The following AHCY variants were observed in gnomAD, a reference collection of about 807,000 sequenced individuals.
AHCY encodes S-adenosyl-L-homocysteine hydrolase.
A neutral mutation model predicts 45.4 loss-of-function variants in AHCY; 24 were observed. The observed-to-expected ratio is 0.53, with a 90% CI of 0.38 to 0.74. The LOEUF (loss-of-function observed/expected upper bound fraction) is 0.74, where lower values mean the gene tolerates loss of function less well. AHCY is among the 30% of genes least tolerant of loss of function. AHCY has a pLI of 0.00. For synonymous variants in AHCY, 245 were observed against 235.1 expected (o/e 1.04, Z -0.39); for missense variants, 449 against 594.1 (o/e 0.76, Z 2.54).
chr20:34,260,366 C>T, the AHCY span: 1 of 1,612,260 alleles, frequency 6.2e-7, no homozygotes, highest in East Asian at 2.2e-5. Context: ...CCCACTCAGG[C>T]CTCCTGGGAT....
intron 1 of AHCY, among the ~76,000 whole-genome samples, chr20:34,297,954 C>A (rs1018331254): frequency 1.3e-5 from 2 of 152,100 alleles, no homozygotes; most frequent in Middle Eastern, 3.2e-3. Flanking sequence ...GCCTGACCAA[C>A]ATGGTGAAAC....
the AHCY span, chr20:34,269,117 C>A: frequency 6.4e-7 from 1 of 1,560,454 alleles, no homozygotes; most frequent in Non-Finnish European, 8.7e-7. Flanking sequence ...CTGCCAGTGC[C>A]GCTTCTTCCG....
At chr20:34,292,816 C>T (rs2036444352) in intron 3 of AHCY, among the ~76,000 whole-genome samples, 1 of 152,190 alleles carries the variant, frequency 6.6e-6, no homozygotes, top group African/African-American at 2.4e-5. Flanking sequence ...CATGTACAGC[C>T]CCCCGCCCCA....
At chr20:34,301,689 C>T in intron 1 of AHCY, 1 of 544,060 alleles carries the variant, frequency 1.8e-6, no homozygotes, top group Non-Finnish European at 2.3e-6. Flanking sequence ...CCAATCCTGA[C>T]CCACTAATCT....
rs750922869 is a variant in AHCY, at chr20:34,294,099, C to T, written c.277G>A (p.Ala93Thr). ...STQDHAAAAI[A>T]KAGIPVYAWK... Reference sequence around the variant, plus strand: ...GACTTACCCGGAATGCCAGCCTTGGCAATGGCAGCCGCCGCATGGTCCTGG... The same window carrying T: ...GACTTACCCGGAATGCCAGCCTTGGTAATGGCAGCCGCCGCATGGTCCTGG... Residue 93 changes from alanine (A) to threonine (T), a missense_variant, in exon 3 of 10, where the codon GCC (alanine) becomes ACC (threonine). Ala to Thr is a moderately conservative substitution (Grantham distance 58, BLOSUM62 0). Coordinates refer to ENST00000217426, the MANE Select transcript of AHCY (RefSeq NM_000687.4). The T allele has an allele frequency of 2.5e-6, 4 of 1,613,728 alleles. No homozygotes were observed. The highest frequency in any genetic ancestry group is 1.7e-5 in the Admixed American group (1 of 60,008).
the AHCY span, chr20:34,246,557 C>A: frequency 1.2e-6 from 1 of 867,416 alleles, no homozygotes; most frequent in Non-Finnish European, 1.9e-6. Flanking sequence ...CCTCTGCCTC[C>A]GGGCTCAAGC....
At chr20:34,288,004 G>A (rs149203673) in intron 8 of AHCY, among the ~76,000 whole-genome samples, 1 of 152,336 alleles carries the variant, frequency 6.6e-6, no homozygotes, top group African/African-American at 2.4e-5. Flanking sequence ...TTTGCAAAAA[G>A]GAGGTCTAGA....
chr20:34,297,647 T>C (rs976266226), intron 1 of AHCY, among the ~76,000 whole-genome samples: 1 of 151,976 alleles, frequency 6.6e-6, no homozygotes, highest in Non-Finnish European at 1.5e-5. Context: ...ATTGCAGCAA[T>C]CCTATGACAT....
chr20:34,252,794 T>C, the AHCY span, among the ~76,000 whole-genome samples: 1 of 152,204 alleles, frequency 6.6e-6, no homozygotes, highest in African/African-American at 2.4e-5. Context: ...ACCCAGGCTT[T>C]CTTGGGCAGA....
At chr20:34,258,372 TAAA>T in the AHCY span, among the ~76,000 whole-genome samples, 2 of 150,934 alleles carry the variant, frequency 1.3e-5, no homozygotes, top group South Asian at 2.1e-4. Context: ...TAGAATCATT[TAAA>T]AATGTAAAAA....
chr20:34,262,791 C>A, the AHCY span: 1 of 1,611,818 alleles, frequency 6.2e-7, no homozygotes, highest in Non-Finnish European at 8.5e-7. Context: ...CTCAACGTCC[C>A]CAGAAACATC....
the AHCY span, among the ~76,000 whole-genome samples, chr20:34,263,186 T>G: frequency 6.6e-6 from 1 of 152,218 alleles, no homozygotes; most frequent in South Asian, 2.1e-4. Flanking sequence ...GAATGTGGTG[T>G]TTCCCAAACC....
the AHCY span, among the ~76,000 whole-genome samples, chr20:34,253,978 T>C: frequency 6.6e-6 from 1 of 152,256 alleles, no homozygotes; most frequent in Non-Finnish European, 1.5e-5. Context: ...GTCTTCATCA[T>C]TGCAGAGTGG....
chr20:34,236,651 A>C, the AHCY span, among the ~76,000 whole-genome samples: 1 of 152,130 alleles, frequency 6.6e-6, no homozygotes, highest in South Asian at 2.1e-4. Flanking sequence ...AGGAGTTTGA[A>C]ACCAGCCTAG....
the AHCY span, among the ~76,000 whole-genome samples, chr20:34,270,043 T>TG: frequency 1.2e-4 from 17 of 147,054 alleles, no homozygotes; most frequent in African/African-American, 4.0e-4. Flanking sequence ...AAGACCAGCC[T>TG]GGGCTACATA....
chr20:34,260,383 C>T, the AHCY span: 4 of 1,613,512 alleles, frequency 2.5e-6, no homozygotes, highest in Non-Finnish European at 3.4e-6. Context: ...GGATGGATGT[C>T]ACCCGCTTAC....
At chr20:34,254,571 G>A in the AHCY span, among the ~76,000 whole-genome samples, 664 of 152,204 alleles carry the variant, frequency 4.4e-3, 5 homozygotes, top group African/African-American at 0.015. Flanking sequence ...AACCCGTCCC[G>A]AATTGATGTG....
At chr20:34,263,012 A>G in the AHCY span, 1 of 1,130,940 alleles carries the variant, frequency 8.8e-7, no homozygotes, top group African/African-American at 1.6e-5. Flanking sequence ...TATATTAACA[A>G]AAGAAACTGA....
chr20:34,303,498 GCC>G, upstream of AHCY: 1 of 690,792 alleles, frequency 1.4e-6, no homozygotes. Flanking sequence ...ACAAGGCGTG[GCC>G]CCAGGAGTCT....
Sources: allele counts gnomAD v4.1 joint callset (sites outside exome capture counted in the v4.1 genomes callset), GRCh38; gene constraint gnomAD v4.1.1; transcripts MANE v1.5; gene names NCBI Gene and HGNC (gene_info 2026-07-23, HGNC 2026-07-21).